Variants in SRPK2 observed in about 807,000 individuals in gnomAD.
The protein encoded by SRPK2 is SRSF protein kinase 2.
SRPK2 carries 21 observed loss-of-function variants against 90.8 expected under a neutral mutation model. That is an observed-to-expected ratio of 0.23 (90% CI 0.16 to 0.33). The LOEUF (loss-of-function observed/expected upper bound fraction) is 0.33, where lower values mean the gene tolerates loss of function less well. Among genes scored for constraint, SRPK2 ranks in the 10% least tolerant of loss-of-function variants. SRPK2 has a pLI of 1.00. For missense variants in SRPK2, 620 were observed against 869.0 expected, an observed-to-expected ratio of 0.71 and a Z score of 3.60; for synonymous variants, 288 against 311.1, an observed-to-expected ratio of 0.93 and a Z score of 0.78.
intron 15 of SRPK2, among the ~76,000 whole-genome samples, chr7:105,123,674 G>A (rs1175032548): frequency 2.6e-5 from 4 of 152,032 alleles, no homozygotes; most frequent in East Asian, 1.9e-4. Context: ...AAGAGACAAC[G>A]GTGAAATCTA....
intron 15 of SRPK2, among the ~76,000 whole-genome samples, chr7:105,123,799 C>T (rs1044399608): frequency 6.6e-6 from 1 of 152,152 alleles, no homozygotes; most frequent in Non-Finnish European, 1.5e-5. Flanking sequence ...GAACTGAAGT[C>T]CCAATTCCCA....
intron 7 of SRPK2, among the ~76,000 whole-genome samples, chr7:105,149,598 T>C (rs926821400): frequency 1.3e-5 from 2 of 152,212 alleles, no homozygotes; most frequent in South Asian, 2.1e-4. Flanking sequence ...GTCTTATTTC[T>C]TTTCTCAGTC....
At chr7:105,262,528 A>G (rs750584076) in intron 2 of SRPK2, among the ~76,000 whole-genome samples, 13 of 152,180 alleles carry the variant, frequency 8.5e-5, no homozygotes, top group Non-Finnish European at 1.9e-4. Context: ...TTTACATGAT[A>G]ACTTCCTATT....
chr7:105,169,746 T>A (rs1321939962), intron 3 of SRPK2, among the ~76,000 whole-genome samples: 1 of 152,186 alleles, frequency 6.6e-6, no homozygotes, highest in Admixed American at 6.5e-5. Context: ...CTATTAGACT[T>A]CTTGTTTTAA....
At chr7:105,389,239 C>T, upstream of SRPK2, 1 of 1,252,326 alleles carries the variant, frequency 8.0e-7, no homozygotes, top group Non-Finnish European at 1.0e-6. Context: ...CTCTCCCCTC[C>T]GCACCCCGGC....
At chr7:105,221,402 C>A (rs1359575644) in intron 2 of SRPK2, among the ~76,000 whole-genome samples, 1 of 152,180 alleles carries the variant, frequency 6.6e-6, no homozygotes, top group Non-Finnish European at 1.5e-5. Flanking sequence ...CAATCTTATT[C>A]TTTCTCCAGC....
chr7:105,124,206 C>T (rs1344423182), intron 15 of SRPK2, among the ~76,000 whole-genome samples: 1 of 152,178 alleles, frequency 6.6e-6, no homozygotes, highest in Non-Finnish European at 1.5e-5. Flanking sequence ...GCCTGCAGGC[C>T]GCTGACAGGC....
chr7:105,245,664 G>C (rs1460658351), intron 2 of SRPK2, among the ~76,000 whole-genome samples: 1 of 152,074 alleles, frequency 6.6e-6, no homozygotes, highest in African/African-American at 2.4e-5. Context: ...CAGACTACGG[G>C]GGAAAATGAG....
At chr7:105,120,215 T>TTC (rs1372581866) in intron 15 of SRPK2, among the ~76,000 whole-genome samples, 5 of 152,224 alleles carry the variant, frequency 3.3e-5, no homozygotes, top group African/African-American at 1.2e-4. Context: ...CATGAATCTA[T>TTC]TCTATCTCAG....
intron 2 of SRPK2, among the ~76,000 whole-genome samples, chr7:105,379,037 G>A (rs1362943460): frequency 2.0e-5 from 3 of 151,914 alleles, no homozygotes; most frequent in Admixed American, 6.6e-5. Context: ...CTCACATGTA[G>A]TCCCAGCTAC....
chr7:105,296,244 A>G (rs746877901), intron 2 of SRPK2, among the ~76,000 whole-genome samples: 1 of 152,190 alleles, frequency 6.6e-6, no homozygotes, highest in Non-Finnish European at 1.5e-5. Context: ...AAGACACACA[A>G]TTTTACAAAA....
upstream of SRPK2, among the ~76,000 whole-genome samples, chr7:105,392,654 C>T (rs1308691152): frequency 6.6e-6 from 1 of 151,946 alleles, no homozygotes; most frequent in Non-Finnish European, 1.5e-5. Context: ...GCTGGGACTA[C>T]AGACGCACAC....
intron 3 of SRPK2, among the ~76,000 whole-genome samples, chr7:105,180,838 T>A (rs1792688338): frequency 6.6e-6 from 1 of 152,178 alleles, no homozygotes; most frequent in Non-Finnish European, 1.5e-5. Flanking sequence ...AAAGATTTCA[T>A]GATGAAAATG....
intron 2 of SRPK2, among the ~76,000 whole-genome samples, chr7:105,321,347 A>G (rs925819229): frequency 1.8e-4 from 28 of 152,234 alleles, no homozygotes; most frequent in African/African-American, 6.8e-4. Flanking sequence ...AACAACCTAC[A>G]TAAGAGCTGA....
At chr7:105,348,312 C>A (rs1385484888) in intron 2 of SRPK2, among the ~76,000 whole-genome samples, 1 of 151,918 alleles carries the variant, frequency 6.6e-6, no homozygotes, top group Admixed American at 6.6e-5. Context: ...ATCAGGTGAT[C>A]CACCCACCTC....
chr7:105,246,389 T>C (rs564986550), intron 2 of SRPK2, among the ~76,000 whole-genome samples: 1 of 152,220 alleles, frequency 6.6e-6, no homozygotes, highest in African/African-American at 2.4e-5. Context: ...GATAATGAGT[T>C]TGGTTTAGGG....
intron 2 of SRPK2, chr7:105,306,763 G>A (rs1811191485): frequency 1.1e-5 from 2 of 189,906 alleles, no homozygotes; most frequent in Non-Finnish European, 2.2e-5. Context: ...AAAAGAAAAT[G>A]TCATAAATTT....
chr7:105,163,350 G>A (rs917259864), intron 6 of SRPK2, among the ~76,000 whole-genome samples: 11 of 152,132 alleles, frequency 7.2e-5, no homozygotes, highest in African/African-American at 2.4e-4. Context: ...TGAAAAAATG[G>A]TGAAATCACT....
chr7:105,283,740 TTAAAA>T (rs1807653427), intron 2 of SRPK2, among the ~76,000 whole-genome samples: 1 of 152,130 alleles, frequency 6.6e-6, no homozygotes, highest in Non-Finnish European at 1.5e-5. Context: ...ATTGTACACT[TTAAAA>T]TGATTAAAAC....
Sources: gnomAD v4.1 joint callset for allele counts (sites outside exome capture counted in the v4.1 genomes callset) on GRCh38, gnomAD v4.1.1 for gene constraint, MANE v1.5 for transcripts, NCBI Gene and HGNC (gene_info 2026-07-23, HGNC 2026-07-21) for gene names.